Variants in FANCC observed in about 807,000 individuals in gnomAD.
FANCC encodes FA complementation group C, also known as Fanconi anemia group C protein.
In FANCC, 55 loss-of-function variants were observed where a neutral mutation model predicts 71.3. The ratio of observed to expected loss-of-function variants is 0.77; its 90% CI spans 0.62 to 0.97. The LOEUF is 0.97. Ranked by LOEUF, FANCC falls within the 50% of genes least tolerant of loss-of-function variation. The probability of loss-of-function intolerance (pLI) is 0.00; values close to 1 mark genes in which losing one functional copy is unlikely to be tolerated. For synonymous variants in FANCC, 275 were observed against 244.9 expected (o/e 1.12, Z -1.15); for missense variants, 678 against 670.9 (o/e 1.01, Z -0.12).
intron 10 of FANCC, among the ~76,000 whole-genome samples, chr9:95,117,723 ATTT>A: frequency 7.3e-6 from 1 of 136,816 alleles, no homozygotes. Flanking sequence ...GTATTTCAGC[ATTT>A]TTTTTTTTTT....
intron 4 of FANCC, among the ~76,000 whole-genome samples, chr9:95,218,247 T>C (rs1054759664): frequency 1.3e-5 from 2 of 152,156 alleles, no homozygotes; most frequent in African/African-American, 4.8e-5. Flanking sequence ...GGAGAATCGC[T>C]TGAGACTAGG....
intron 6 of FANCC, among the ~76,000 whole-genome samples, chr9:95,169,929 C>A (rs906111194): frequency 1.3e-5 from 2 of 152,062 alleles, no homozygotes; most frequent in African/African-American, 4.8e-5. Context: ...GGAGTGTTTG[C>A]CTCTTTATGA....
At chr9:95,177,248 A>G (rs930925930) in intron 4 of FANCC, among the ~76,000 whole-genome samples, 7 of 152,216 alleles carry the variant, frequency 4.6e-5, no homozygotes, top group Non-Finnish European at 7.3e-5. Flanking sequence ...ATACTGTAAC[A>G]TTGTGATCTA....
intron 3 of FANCC, among the ~76,000 whole-genome samples, chr9:95,241,258 A>C (rs1354002240): frequency 6.6e-6 from 1 of 152,214 alleles, no homozygotes; most frequent in Non-Finnish European, 1.5e-5. Context: ...ACTTGTTAAA[A>C]AGAAATTTAA....
intron 7 of FANCC, among the ~76,000 whole-genome samples, chr9:95,142,035 C>G (rs1828823436): frequency 6.9e-5 from 10 of 144,848 alleles, no homozygotes; most frequent in Admixed American, 6.9e-4. Flanking sequence ...TCTTGTCGCC[C>G]AGGCTGGAGT....
At chr9:95,249,101 T>C in intron 2 of FANCC, 26 bp downstream of exon 2, 10 of 1,612,186 alleles carry the variant, frequency 6.2e-6, no homozygotes, top group African/African-American at 2.7e-5. Flanking sequence ...CAGAAAATAA[T>C]TTCATTATTC....
intron 4 of FANCC, among the ~76,000 whole-genome samples, chr9:95,232,664 G>T (rs1446142760): frequency 6.6e-6 from 1 of 152,044 alleles, no homozygotes; most frequent in Non-Finnish European, 1.5e-5. Context: ...CTGGCTTTTA[G>T]TAACAAAATC....
chr9:95,306,784 C>T (rs911910153), intron 1 of FANCC, among the ~76,000 whole-genome samples: 3 of 152,166 alleles, frequency 2.0e-5, no homozygotes, highest in South Asian at 2.1e-4. Flanking sequence ...AGCTATCCTC[C>T]TTTGGGCAAT....
At chr9:95,251,545 ACCTCAAGTGATCC>A (rs1262251519) in intron 1 of FANCC, among the ~76,000 whole-genome samples, 8 of 151,942 alleles carry the variant, frequency 5.3e-5, no homozygotes, top group Admixed American at 1.3e-4. Context: ...CGACCTCCTG[ACCTCAAGTGATCC>A]GCCCTCCTCT....
At chr9:95,293,534 A>C in intron 1 of FANCC, 2 of 1,608,080 alleles carry the variant, frequency 1.2e-6, no homozygotes, top group Non-Finnish European at 1.7e-6. Context: ...CTTTACAAGA[A>C]CTAGGGAACA....
intron 7 of FANCC, among the ~76,000 whole-genome samples, chr9:95,137,703 T>C (rs1462260438): frequency 6.6e-6 from 1 of 152,158 alleles, no homozygotes; most frequent in East Asian, 1.9e-4. Context: ...GGAGAGGAAT[T>C]GGCTGAAGGT....
chr9:95,221,704 A>G (rs1043675080), intron 4 of FANCC, among the ~76,000 whole-genome samples: 2 of 152,218 alleles, frequency 1.3e-5, no homozygotes, highest in African/African-American at 4.8e-5. Context: ...ATATTTTTTA[A>G]TGGGCAAAAT....
intron 1 of FANCC, among the ~76,000 whole-genome samples, chr9:95,305,500 C>A (rs1408766959): frequency 6.6e-6 from 1 of 152,164 alleles, no homozygotes; most frequent in East Asian, 1.9e-4. Flanking sequence ...GAATAAAATT[C>A]CTTCCCTAAA....
At chr9:95,202,785 A>G (rs542239519) in intron 4 of FANCC, among the ~76,000 whole-genome samples, 309 of 152,316 alleles carry the variant, frequency 2.0e-3, no homozygotes, top group African/African-American at 7.2e-3. Context: ...CTAGAAATCA[A>G]TTGAAAAGCA....
chr9:95,186,663 TAAAAC>T (rs1826736734), intron 4 of FANCC: 1 of 152,106 alleles, frequency 6.6e-6, no homozygotes, highest in Non-Finnish European at 1.5e-5. Flanking sequence ...AAAACAAACA[TAAAAC>T]AAAGTTATTT....
chr9:95,134,656 T>C (rs1827392858), intron 8 of FANCC, among the ~76,000 whole-genome samples: 1 of 152,246 alleles, frequency 6.6e-6, no homozygotes, highest in African/African-American at 2.4e-5. Flanking sequence ...TCTTTATTCC[T>C]GTCCTTACAA....
intron 4 of FANCC, among the ~76,000 whole-genome samples, chr9:95,179,737 CATCTT>C (rs1267250555): frequency 6.6e-6 from 1 of 152,184 alleles, no homozygotes. Flanking sequence ...AATGCACATA[CATCTT>C]ATCTTATAAA....
intron 4 of FANCC, among the ~76,000 whole-genome samples, chr9:95,214,688 T>C (rs1272987724): frequency 6.6e-6 from 1 of 152,176 alleles, no homozygotes; most frequent in Non-Finnish European, 1.5e-5. Context: ...AGGAAGGAAA[T>C]TCTGACTTAC....
At chr9:95,113,962 C>T (rs1006608262) in intron 12 of FANCC, 3 of 157,106 alleles carry the variant, frequency 1.9e-5, no homozygotes, top group Admixed American at 1.2e-4. Context: ...GTGGTACACG[C>T]CTGTAGTCCC....
Sources: gnomAD v4.1 joint callset for allele counts (sites outside exome capture counted in the v4.1 genomes callset) on GRCh38, gnomAD v4.1.1 for gene constraint, MANE v1.5 for transcripts, NCBI Gene and HGNC (gene_info 2026-07-23, HGNC 2026-07-21) for gene names.